Variants in C1orf198 observed in about 807,000 individuals in gnomAD.
C1orf198 encodes uncharacterized protein C1orf198.
A neutral mutation model predicts 31.4 loss-of-function variants in C1orf198; 17 were observed. That is an observed-to-expected ratio of 0.54 (90% CI 0.37 to 0.81). The LOEUF (loss-of-function observed/expected upper bound fraction) is 0.81. Among genes scored for constraint, C1orf198 ranks in the 40% least tolerant of loss-of-function variants. C1orf198 has a pLI of 0.00. For synonymous variants in C1orf198, 175 were observed against 193.8 expected, an observed-to-expected ratio of 0.90 and a Z score of 0.81; for missense variants, 401 against 450.3, an observed-to-expected ratio of 0.89 and a Z score of 0.99.
chr1:230,839,470 G>C lies in C1orf198; in HGVS notation c.*382C>G, dbSNP rs778081879. 2.8e-5 allele frequency: 6 copies of C among 211,962 alleles called. No individual in the cohort carries two copies. The highest frequency in any genetic ancestry group is 7.6e-5 in the South Asian group (1 of 13,154). The allele number at this position is 211,962 out of a possible 1,614,324, so 13.1% of individuals were successfully genotyped here. A position where few individuals can be genotyped will look rare whatever the true frequency, so the allele number is the denominator to read the frequency against. On this transcript the variant is annotated 3_prime_UTR_variant, in exon 4 of 4. Coordinates refer to ENST00000366663, the MANE Select transcript of C1orf198 (RefSeq NM_032800.3). The stretch of plus-strand genomic sequence containing the variant: ...GGAACCCATACGGTAAAAAGCGGAG[G>C]GGGGAGGGGGAATAATGGAGAAGGA...
intron 2 of C1orf198, among the ~76,000 whole-genome samples, chr1:230,846,514 G>A (rs1485161167): frequency 6.6e-6 from 1 of 152,258 alleles, no homozygotes; most frequent in African/African-American, 2.4e-5. Flanking sequence ...TACATAGAGA[G>A]CGGCACATGC....
At chr1:230,860,793 GA>G (rs1669987234) in intron 1 of C1orf198, among the ~76,000 whole-genome samples, 1 of 152,182 alleles carries the variant, frequency 6.6e-6, no homozygotes, top group Non-Finnish European at 1.5e-5. Context: ...ACGAGTTCTG[GA>G]AATGGATGGT....
At chr1:230,863,700 C>G (rs1213906849) in intron 1 of C1orf198, among the ~76,000 whole-genome samples, 1 of 152,194 alleles carries the variant, frequency 6.6e-6, no homozygotes, top group East Asian at 1.9e-4. Context: ...GGCAGAGAAC[C>G]CACAACATAA....
intron 1 of C1orf198, 21 bp from the exon 2 acceptor site, chr1:230,855,739 TAA>T (rs1669854924): frequency 6.2e-7 from 1 of 1,612,544 alleles, no homozygotes; most frequent in Non-Finnish European, 8.5e-7. Context: ...AAATCGAGAA[TAA>T]GTCTGAAATT....
chr1:230,846,925 A>C (rs1431655523), intron 2 of C1orf198, among the ~76,000 whole-genome samples: 1 of 151,820 alleles, frequency 6.6e-6, no homozygotes, highest in Non-Finnish European at 1.5e-5. Context: ...AAAACGGTGA[A>C]ACCCCGTCTC....
intron 2 of C1orf198, among the ~76,000 whole-genome samples, chr1:230,852,738 T>G (rs901916062): frequency 7.9e-5 from 12 of 152,162 alleles, no homozygotes; most frequent in African/African-American, 2.9e-4. Flanking sequence ...AATGAGTGAT[T>G]AATTAAAAAT....
Position 230,852,927 on chromosome 1 carries a change from T to C in C1orf198, c.384+2741A>G, listed in dbSNP as rs1225327287. ...GCAGAACAGAGCAGAAGTGATACTA[T>C]GCAATTGCCCAGCCTAAGCTTCAAA... On this transcript the variant is annotated intron_variant, in intron 2 of 3. Coordinates refer to ENST00000366663, the MANE Select transcript of C1orf198 (RefSeq NM_032800.3). Among the ~76,000 whole-genome samples the C allele has an allele frequency of 2.0e-5, 3 of 152,192 alleles. 1 individual carries two copies. Among genetic ancestry groups the C allele is most frequent in the Admixed American group, 6.5e-5 (1 of 15,274 alleles).
At chr1:230,867,316 A>G (rs1412053042) in intron 1 of C1orf198, among the ~76,000 whole-genome samples, 1 of 152,186 alleles carries the variant, frequency 6.6e-6, no homozygotes, top group East Asian at 1.9e-4. Flanking sequence ...TCTGAACCCT[A>G]CAGAAGATTC....
At chr1:230,865,731 A>G (rs1228726597) in intron 1 of C1orf198, among the ~76,000 whole-genome samples, 1 of 152,230 alleles carries the variant, frequency 6.6e-6, no homozygotes, top group Non-Finnish European at 1.5e-5. Flanking sequence ...GCCCCTGACC[A>G]CATTCAAAAC....
chr1:230,839,996 C>A, intron 3 of C1orf198, 88 bp from the exon 4 acceptor site: 1 of 1,222,450 alleles, frequency 8.2e-7, no homozygotes. Context: ...TTTAAAACGA[C>A]CCAGATAAAA....
chr1:230,843,130 G>A lies in C1orf198; in HGVS notation c.927+224C>T, dbSNP rs1261642832. ...GCAGTGGGCCACGGAACCCTGACTG[G>A]TAAACAAATTAGGGCACCCAGATGG... On this transcript the variant is annotated intron_variant, in intron 3 of 3. Transcript: ENST00000366663. The surrounding 1 kb of genome is among the most constrained non-coding windows in gnomAD (Gnocchi z 4.9). 6.6e-6 allele frequency among the ~76,000 whole-genome samples: 1 copy of A among 152,204 alleles called. No homozygotes were observed. The highest frequency in any genetic ancestry group is 1.5e-5 in the Non-Finnish European group (1 of 68,042).
At chr1:230,842,625 C>G (rs114983109) in intron 3 of C1orf198, among the ~76,000 whole-genome samples, 3,738 of 152,068 alleles carry the variant, frequency 0.025, 102 homozygotes, top group African/African-American at 0.067. Flanking sequence ...TAAAAAACTA[C>G]AAATTGGGTT....
At position 230,838,289 on chromosome 1, in the gene C1orf198, T is replaced by G; in HGVS notation, c.*1563A>C. On this transcript the variant is annotated 3_prime_UTR_variant, in exon 4 of 4. Transcript: ENST00000366663. The surrounding 1 kb of genome is among the most constrained non-coding windows in gnomAD (Gnocchi z 4.2). ...AGAACCAATATTTGAAAAGTTACAG[T>G]AAATCACTGAAGCAGAAAGATAAAA... 6.6e-6 allele frequency: 1 copy of G among 152,310 alleles called. No homozygotes were observed. The allele number at this position is 152,310 out of a possible 1,614,324, so 9.4% of individuals were successfully genotyped here. A position where few individuals can be genotyped will look rare whatever the true frequency, so the allele number is the denominator to read the frequency against.
chr1:230,851,603 G>A (rs1025199348), intron 2 of C1orf198, among the ~76,000 whole-genome samples: 15 of 152,128 alleles, frequency 9.9e-5, no homozygotes, highest in Admixed American at 5.9e-4. Context: ...CCCCTGGCAC[G>A]CCTGCCAAGC....
intron 1 of C1orf198, among the ~76,000 whole-genome samples, chr1:230,858,643 G>A (rs1340974179): frequency 1.3e-5 from 2 of 152,248 alleles, no homozygotes; most frequent in Non-Finnish European, 2.9e-5. Context: ...CAAATGGAAA[G>A]AGGAAGTGCA....
At chr1:230,853,527 C>T (rs186552795) in intron 2 of C1orf198, among the ~76,000 whole-genome samples, 7 of 152,232 alleles carry the variant, frequency 4.6e-5, no homozygotes, top group Non-Finnish European at 1.0e-4. Flanking sequence ...GAGGAAGGGA[C>T]AGCTCCCTTG....
At chr1:230,855,098 A>G (rs1669841151) in intron 2 of C1orf198, among the ~76,000 whole-genome samples, 1 of 152,176 alleles carries the variant, frequency 6.6e-6, no homozygotes, top group Admixed American at 6.5e-5. Context: ...CTACTGGGGC[A>G]ACTTAGGAGA....
rs150753725 is a variant in C1orf198 at position 230,843,496 on chromosome 1, C to T, written c.785G>A (p.Arg262His). The T allele has an allele frequency of 5.4e-5, 87 of 1,612,186 alleles. No individual in the cohort carries two copies. Among genetic ancestry groups the T allele is most frequent in the Middle Eastern group, 4.9e-4 (3 of 6,074 alleles). Residue 262 changes from arginine to histidine, a missense_variant, in exon 3 of 4, where the codon CGT (arginine) becomes CAT (histidine). Transcript: ENST00000366663. This position sits in a 1 kb window ranked among gnomAD's most constrained non-coding sequence, Gnocchi z 4.9. ...QRPLPNVSTE[R>H]ERPQPVQAFS... ...GGCCTGGACAGGCTGGGGTCTCTCACGTTCGGTGCTCACGTTGGGAAGAGG... is the reference window on the plus strand; with the variant it reads ...GGCCTGGACAGGCTGGGGTCTCTCATGTTCGGTGCTCACGTTGGGAAGAGG...
At chr1:230,868,774 G>T (rs1411772087), upstream of C1orf198, 4 of 170,596 alleles carry the variant, frequency 2.3e-5, no homozygotes, top group Non-Finnish European at 4.9e-5. Context: ...CTCCATAGTG[G>T]ATTACCGCGG....
Sources: gnomAD v4.1 joint callset for allele counts (sites outside exome capture counted in the v4.1 genomes callset) on GRCh38, gnomAD v4.1.1 for gene constraint, Gnocchi (gnomAD v3.1) non-coding constraint, MANE v1.5 for transcripts, NCBI Gene and HGNC (gene_info 2026-07-23, HGNC 2026-07-21) for gene names.